MARK3: variants seen among roughly 807,000 people sequenced by gnomAD.
MARK3 encodes MAP/microtubule affinity-regulating kinase 3.
A neutral mutation model predicts 90.1 loss-of-function variants in MARK3; 46 were observed. The ratio of observed to expected loss-of-function variants is 0.51; its 90% CI spans 0.40 to 0.65. MARK3 has a LOEUF of 0.65. Among genes scored for constraint, MARK3 ranks in the 30% least tolerant of loss-of-function variants. MARK3 has a pLI of 0.00. For missense variants in MARK3, 818 were observed against 947.2 expected, an observed-to-expected ratio of 0.86 and a Z score of 1.79; for synonymous variants, 321 against 332.6, an observed-to-expected ratio of 0.97 and a Z score of 0.38.
chr14:103,389,507 GAC>G (rs771481224), intron 1 of MARK3, among the ~76,000 whole-genome samples: 3 of 104,686 alleles, frequency 2.9e-5, no homozygotes, highest in Admixed American at 1.5e-4. Context: ...CAGCCTGAGT[GAC>G]AGAGTAAGAC....
At chr14:103,447,877 G>C (rs910486028) in intron 3 of MARK3, among the ~76,000 whole-genome samples, 3 of 152,018 alleles carry the variant, frequency 2.0e-5, no homozygotes, top group Non-Finnish European at 4.4e-5. Flanking sequence ...AGGCTCAAGT[G>C]ATTCTCTTGC....
In MARK3 at chr14:103,401,133, G is replaced by A. The variant is rs1260578226; in HGVS notation, c.52-3943G>A. ...GAATAGGGAACTTTTTCTTAGGGTCGGTGATGGATTCTTGGGAAAATAAAA... is the reference window on the plus strand; with the variant it reads ...GAATAGGGAACTTTTTCTTAGGGTCAGTGATGGATTCTTGGGAAAATAAAA... On this transcript the variant is annotated intron_variant, in intron 1 of 17. Coordinates refer to ENST00000429436, the MANE Select transcript of MARK3 (RefSeq NM_001128918.3). Among the ~76,000 whole-genome samples, 7 of 152,020 alleles carry A rather than the reference G, an allele frequency of 4.6e-5. 2 individuals carry two copies. The South Asian group carries it at 1.2e-3, about 27-fold the overall frequency.
chr14:103,403,856 A>G (rs1256112819), intron 1 of MARK3, among the ~76,000 whole-genome samples: 1 of 152,214 alleles, frequency 6.6e-6, no homozygotes, highest in Non-Finnish European at 1.5e-5. Context: ...AATGTTTACA[A>G]GTTGCCTAGA....
intron 3 of MARK3, among the ~76,000 whole-genome samples, chr14:103,441,176 C>T (rs1031957747): frequency 2.0e-5 from 3 of 152,154 alleles, no homozygotes; most frequent in African/African-American, 7.2e-5. Context: ...TATATCTTCA[C>T]TCTCTTGATA....
chr14:103,460,903 G>A (rs1038883302), intron 6 of MARK3, among the ~76,000 whole-genome samples: 5 of 152,114 alleles, frequency 3.3e-5, no homozygotes, highest in Non-Finnish European at 4.4e-5. Context: ...TCTAAAACCC[G>A]TTTTTTGGCA....
In MARK3 at chr14:103,457,122, T is replaced by G; in HGVS notation, c.413-20T>G. ...CTCAGAAGTAGGATTTCTACTTACT[T>G]TTATTTCTCTCACCTATAGGTGAAG... is the stretch of plus-strand genomic sequence containing the variant. On this transcript the variant is annotated intron_variant, in intron 5 of 17. Transcript: ENST00000429436. 6.6e-7 allele frequency: 1 copy of G among 1,508,946 alleles called. No individual in the cohort carries two copies. Among genetic ancestry groups the G allele is most frequent in the Non-Finnish European group, 9.2e-7 (1 of 1,090,388 alleles). The allele number at this position is 1,508,946 out of a possible 1,614,324, so 93.5% of individuals were successfully genotyped here.
At chr14:103,393,218 G>A (rs545701139) in intron 1 of MARK3, among the ~76,000 whole-genome samples, 1 of 152,214 alleles carries the variant, frequency 6.6e-6, no homozygotes, top group South Asian at 2.1e-4. Flanking sequence ...CTGACCTCAT[G>A]ATCCTCCCAC....
chr14:103,482,111 A>G (rs1301393878), intron 14 of MARK3, among the ~76,000 whole-genome samples: 1 of 152,106 alleles, frequency 6.6e-6, no homozygotes, highest in Non-Finnish European at 1.5e-5. Context: ...TTTGTATTAT[A>G]GTTCAGTTCT....
At chr14:103,396,025 G>A (rs1237345775) in intron 1 of MARK3, among the ~76,000 whole-genome samples, 2 of 152,210 alleles carry the variant, frequency 1.3e-5, no homozygotes, top group Non-Finnish European at 2.9e-5. Flanking sequence ...GGAGAGGGCA[G>A]AAGGAAAGAT....
chr14:103,481,757 C>CTTTTTTT (rs71126030), intron 14 of MARK3, among the ~76,000 whole-genome samples: 630 of 49,806 alleles, frequency 0.013, 167 homozygotes, highest in South Asian at 0.017. Context: ...ATAGGTATTT[C>CTTTTTTT]TTTTTTTTTT....
chr14:103,446,507 G>C (rs1369069927), intron 3 of MARK3, among the ~76,000 whole-genome samples: 1 of 152,072 alleles, frequency 6.6e-6, no homozygotes, highest in South Asian at 2.1e-4. Flanking sequence ...GGGCATCAGA[G>C]TAAGACTCCG....
At chr14:103,450,296 A>G (rs1436779419) in intron 4 of MARK3, among the ~76,000 whole-genome samples, 1 of 152,152 alleles carries the variant, frequency 6.6e-6, no homozygotes, top group Non-Finnish European at 1.5e-5. Flanking sequence ...CTTTGGGGCT[A>G]GCTAGCCAAC....
chr14:103,484,234 A>G (rs1228501938), intron 14 of MARK3, among the ~76,000 whole-genome samples: 3 of 151,208 alleles, frequency 2.0e-5, no homozygotes, highest in Admixed American at 6.6e-5. Context: ...CTAGAGTGCA[A>G]TGGCACGATC....
Position 103,465,599 on chromosome 14 carries a change from G to C in MARK3, c.583G>C (p.Ala195Pro), listed in dbSNP as rs1428777613. ...AGATGCCGATATGAACATTAAAATAGCAGATTTCGGTTTTAGCAATGAATT... is the reference window on the plus strand; with the variant it reads ...AGATGCCGATATGAACATTAAAATACCAGATTTCGGTTTTAGCAATGAATT... ...LLDADMNIKI[A>P]DFGFSNEFTV... The change falls in exon 8 of 18, where the codon GCA becomes CCA. Residue 195 changes from alanine (A) to proline (P), a missense_variant. Coordinates refer to ENST00000429436, the MANE Select transcript of MARK3 (RefSeq NM_001128918.3). The C allele has an allele frequency of 6.2e-7, 1 of 1,614,070 alleles. No individual in the cohort carries two copies. Among genetic ancestry groups the C allele is most frequent in the South Asian group, 1.1e-5 (1 of 91,078 alleles).
intron 12 of MARK3, among the ~76,000 whole-genome samples, chr14:103,472,773 C>T (rs924918656): frequency 2.6e-5 from 4 of 152,012 alleles, no homozygotes; most frequent in Admixed American, 6.6e-5. Flanking sequence ...TTTGAGAGGC[C>T]GAGGCAGGCA....
chr14:103,433,088 C>CTTTTTTTTTTT (rs371171878), intron 3 of MARK3, among the ~76,000 whole-genome samples: 5 of 116,020 alleles, frequency 4.3e-5, no homozygotes, highest in South Asian at 2.7e-4. Flanking sequence ...CTTTTCTTTT[C>CTTTTTTTTTTT]TTTTCTTTTT....
At chr14:103,471,517 C>A (rs1227933072) in intron 12 of MARK3, among the ~76,000 whole-genome samples, 1 of 152,116 alleles carries the variant, frequency 6.6e-6, no homozygotes, top group Non-Finnish European at 1.5e-5. Flanking sequence ...TTTTCATAAT[C>A]CTCATCTTTC....
At position 103,466,379 on chromosome 14, in the gene MARK3, G is replaced by A; in HGVS notation, c.934G>A (p.Glu312Lys). ...MKDRWINAGHEEDELKPFVEP... is the reference protein window; with the variant it reads ...MKDRWINAGHKEDELKPFVEP... The stretch of plus-strand genomic sequence containing the variant: ...GGACAGGTGGATCAATGCAGGGCAT[G>A]AAGAAGATGAACTCAAACCATTTGT... The change falls in exon 10 of 18, where the codon GAA (glutamate) becomes AAA (lysine). Residue 312 changes from glutamate (E) to lysine (K), a missense_variant. Glu to Lys is a moderately conservative substitution (Grantham distance 56). This residue lies in a region of MARK3 where 560 missense variants were observed against 613.5 expected (regional missense o/e 0.91). Transcript: ENST00000429436. 6.2e-7 allele frequency: 1 copy of A among 1,613,994 alleles called. No homozygotes were observed. Among genetic ancestry groups the A allele is most frequent in the Non-Finnish European group, 8.5e-7 (1 of 1,179,888 alleles).
In MARK3 at chr14:103,385,966, G is replaced by T; in HGVS notation, c.-64G>T. 3 of 1,380,498 alleles carry T rather than the reference G, an allele frequency of 2.2e-6. No homozygotes were observed. Among genetic ancestry groups the T allele is most frequent in the Middle Eastern group, 1.8e-4 (1 of 5,582 alleles). The allele number at this position is 1,380,498 out of a possible 1,614,324, so 85.5% of individuals were successfully genotyped here. A position where few individuals can be genotyped will look rare whatever the true frequency, so the allele number is the denominator to read the frequency against. On this transcript the variant is annotated 5_prime_UTR_variant, in exon 1 of 18. Transcript: ENST00000429436. ...CGTGGACTCGAGGACGCTGGTCGCCGGCCTCCTAGGGCTGTGCTGTTTTGT... is the reference window on the plus strand; with the variant it reads ...CGTGGACTCGAGGACGCTGGTCGCCTGCCTCCTAGGGCTGTGCTGTTTTGT...
Sources: allele counts gnomAD v4.1 joint callset (sites outside exome capture counted in the v4.1 genomes callset), GRCh38; gene constraint gnomAD v4.1.1; regional missense constraint gnomAD v4.1.1; transcripts MANE v1.5; gene names NCBI Gene and HGNC (gene_info 2026-07-23, HGNC 2026-07-21).